The following USP25 variants were observed in gnomAD, a reference collection of about 807,000 sequenced individuals.
USP25 encodes ubiquitin specific peptidase 25, also known as ubiquitin carboxyl-terminal hydrolase 25.
Under a neutral mutation model 158.5 loss-of-function variants are expected in USP25, and 85 were observed. The ratio of observed to expected loss-of-function variants is 0.54; its 90% CI spans 0.45 to 0.64. The LOEUF is 0.64. Ranked by LOEUF, USP25 falls within the 30% of genes least tolerant of loss-of-function variation. The probability of loss-of-function intolerance (pLI) is 0.00; values close to 1 mark genes in which losing one functional copy is unlikely to be tolerated. For synonymous variants in USP25, 464 were observed against 460.4 expected (o/e 1.01, Z -0.10); for missense variants, 1,242 against 1,327.3 (o/e 0.94, Z 1.00).
chr21:15,733,165 T>G, intron 1 of USP25, among the ~76,000 whole-genome samples: 1 of 90,090 alleles, frequency 1.1e-5, no homozygotes, highest in Non-Finnish European at 2.0e-5. Context: ...TCTAACCCGA[T>G]GAACCAAGCT....
At chr21:15,756,718 AT>A (rs776138671) in intron 1 of USP25, among the ~76,000 whole-genome samples, 37 of 152,304 alleles carry the variant, frequency 2.4e-4, no homozygotes, top group Non-Finnish European at 5.1e-4. Flanking sequence ...TGCAGTAAAA[AT>A]AACAGGAAGG....
intron 10 of USP25, among the ~76,000 whole-genome samples, chr21:15,821,221 T>G (rs181254395): frequency 4.2e-4 from 64 of 152,028 alleles, no homozygotes; most frequent in African/African-American, 1.4e-3. Context: ...AAAGTTGCAT[T>G]TTTCACTCAG....
intron 24 of USP25, 73 bp downstream of exon 24, chr21:15,874,599 A>T: frequency 1.4e-6 from 2 of 1,428,222 alleles, no homozygotes; most frequent in South Asian, 3.0e-5. Context: ...CTCATATATA[A>T]GTGATTGACT....
intron 9 of USP25, among the ~76,000 whole-genome samples, chr21:15,813,890 T>A (rs1175659580): frequency 6.6e-6 from 1 of 151,852 alleles, no homozygotes; most frequent in Non-Finnish European, 1.5e-5. Flanking sequence ...ATCCATTAGA[T>A]CCCTTTCAGT....
intron 17 of USP25, among the ~76,000 whole-genome samples, chr21:15,834,217 T>C (rs1370478493): frequency 2.0e-5 from 3 of 152,190 alleles, no homozygotes; most frequent in Non-Finnish European, 4.4e-5. Context: ...GTAAACACTG[T>C]ATAGGAATTA....
chr21:15,768,501 G>T (rs1433054319), intron 3 of USP25, among the ~76,000 whole-genome samples: 3 of 152,102 alleles, frequency 2.0e-5, no homozygotes, highest in African/African-American at 7.2e-5. Context: ...CTCTTTAAGT[G>T]ACTGTGCAGT....
intron 1 of USP25, among the ~76,000 whole-genome samples, chr21:15,759,162 TGAA>T (rs1396070486): frequency 6.6e-6 from 1 of 152,200 alleles, no homozygotes; most frequent in Non-Finnish European, 1.5e-5. Flanking sequence ...ATTAACTAAA[TGAA>T]GACATTGAAT....
chr21:15,730,628 A>G (rs2030722064), intron 1 of USP25, among the ~76,000 whole-genome samples, 190 bp downstream of exon 1: 1 of 152,194 alleles, frequency 6.6e-6, no homozygotes, highest in African/African-American at 2.4e-5. Flanking sequence ...AGCAGAGTGT[A>G]GTTTGCGGGC....
At chr21:15,838,460 C>G (rs2038166566) in intron 17 of USP25, among the ~76,000 whole-genome samples, 1 of 151,872 alleles carries the variant, frequency 6.6e-6, no homozygotes. Context: ...GCTCTTTGTC[C>G]CGGATAAATT....
At chr21:15,813,277 A>T (rs554125701) in intron 9 of USP25, among the ~76,000 whole-genome samples, 6 of 152,344 alleles carry the variant, frequency 3.9e-5, no homozygotes, top group Non-Finnish European at 8.8e-5. Flanking sequence ...GATCTAACTT[A>T]TCTCTTCATT....
At chr21:15,833,229 G>T in intron 16 of USP25, 119 bp from the exon 17 acceptor site, 1 of 921,534 alleles carries the variant, frequency 1.1e-6, no homozygotes, top group Non-Finnish European at 1.6e-6. Context: ...TAAGTAATAT[G>T]ATTGGCTGAG....
chr21:15,826,207 T>C lies in USP25; in HGVS notation c.1308T>C (p.Tyr436=). 1 of 1,613,830 alleles carries C rather than the reference T, an allele frequency of 6.2e-7. No homozygotes were observed. Among genetic ancestry groups the C allele is most frequent in the Non-Finnish European group, 8.5e-7 (1 of 1,179,824 alleles). ...LTVLQQRLER[Y]LSYGSGPKRF... is the part of the protein sequence containing the mutation. Reference sequence around the variant, plus strand: ...TTGTACATTTTATGATTAACAGATATTTAAGCTATGGTTCCGGTCCCAAAC... The same window carrying C: ...TTGTACATTTTATGATTAACAGATACTTAAGCTATGGTTCCGGTCCCAAAC... The change falls in exon 13 of 26, where the codon TAT becomes TAC. Residue 436 remains tyrosine, a synonymous_variant. Transcript: ENST00000400183. This position sits in a 1 kb window ranked among gnomAD's most constrained non-coding sequence, Gnocchi z 4.8.
At chr21:15,768,819 G>GT (rs1177105306) in intron 3 of USP25, among the ~76,000 whole-genome samples, 2 of 151,956 alleles carry the variant, frequency 1.3e-5, no homozygotes, top group Non-Finnish European at 2.9e-5. Context: ...TTTATTTTCA[G>GT]TTTTTTTCCA....
intron 1 of USP25, among the ~76,000 whole-genome samples, chr21:15,731,016 T>C (rs1264368501): frequency 1.5e-5 from 2 of 131,212 alleles, no homozygotes; most frequent in African/African-American, 5.8e-5. Flanking sequence ...ATAGAAACTG[T>C]CCCTAAGAGA....
Position 15,767,793 on chromosome 21 carries a change from G to A in USP25, c.268+1652G>A, listed in dbSNP as rs2034128135. 2.6e-5 allele frequency among the ~76,000 whole-genome samples: 4 copies of A among 152,040 alleles called. No individual in the cohort carries two copies. The South Asian group carries it at 8.3e-4, about 32-fold the overall frequency. On this transcript the variant is annotated intron_variant, in intron 3 of 25. Coordinates refer to ENST00000400183, the MANE Select transcript of USP25 (RefSeq NM_001283041.3). ...TTAGTTGTGAACTCTTAATATAGATGGTATACTTGGTGACATGACATGGTA... is the reference window on the plus strand; with the variant it reads ...TTAGTTGTGAACTCTTAATATAGATAGTATACTTGGTGACATGACATGGTA...
rs1007653440 is a variant in USP25, at chr21:15,877,941, T to G, written c.3155T>G (p.Val1052Gly). 5.6e-6 allele frequency: 9 copies of G among 1,613,374 alleles called. No homozygotes were observed. Among genetic ancestry groups the G allele is most frequent in the South Asian group, 1.1e-5 (1 of 91,008 alleles). Residue 1052 changes from valine (V) to glycine (G), a missense_variant, in exon 25 of 26, where the codon GTA (valine) becomes GGA (glycine). By Grantham distance (109) the Val-to-Gly change is moderately radical. This residue lies in a region of USP25 where 608 missense variants were observed against 605.2 expected (regional missense o/e 1.00). Transcript: ENST00000400183. ...ATGGAAGAAAAGGATATACTAGCTG[T>G]AGAAGATATGAGAAATCGATGGTGT... ...DEMEEKDILA[V>G]EDMRNRWCSY...
intron 20 of USP25, among the ~76,000 whole-genome samples, chr21:15,862,854 CT>C (rs76049609): frequency 0.16 from 24,372 of 151,348 alleles, 2,199 homozygotes; most frequent in African/African-American, 0.25. Flanking sequence ...ATTAGCCTTC[CT>C]TTTTAATGAG....
At chr21:15,814,785 A>G (rs574012655) in intron 9 of USP25, among the ~76,000 whole-genome samples, 1 of 152,306 alleles carries the variant, frequency 6.6e-6, no homozygotes, top group East Asian at 1.9e-4. Context: ...ACAGAGCATA[A>G]AAGTTCAGAA....
intron 4 of USP25, among the ~76,000 whole-genome samples, chr21:15,781,655 A>G (rs867670015): frequency 1.3e-5 from 2 of 152,222 alleles, no homozygotes; most frequent in South Asian, 2.1e-4. Flanking sequence ...GAGGAGACCA[A>G]AGTATCCTGC....
Sources: gnomAD v4.1 joint callset for allele counts (sites outside exome capture counted in the v4.1 genomes callset) on GRCh38, gnomAD v4.1.1 for gene constraint, gnomAD v4.1.1 regional missense constraint, Gnocchi (gnomAD v3.1) non-coding constraint, MANE v1.5 for transcripts, NCBI Gene and HGNC (gene_info 2026-07-23, HGNC 2026-07-21) for gene names.